The following RP1 variants were observed in gnomAD, a reference collection of about 807,000 sequenced individuals.
RP1 encodes RP1 axonemal microtubule associated.
In RP1, 16 loss-of-function variants were observed where a neutral mutation model predicts 14.8. The observed-to-expected ratio is 1.08, with a 90% confidence interval of 0.73 to 1.65. The LOEUF is 1.65. Among genes scored for constraint, RP1 ranks in the 40% most tolerant of loss-of-function variants. The pLI is 0.00. For missense variants in RP1, 2,631 were observed against 2,535.0 expected, an observed-to-expected ratio of 1.04 and a Z score of -0.81; for synonymous variants, 876 against 883.6, an observed-to-expected ratio of 0.99 and a Z score of 0.15.
chr8:54,753,537 GA>G, intron 19 of RP1, among the ~76,000 whole-genome samples: 2 of 152,328 alleles, frequency 1.3e-5, no homozygotes, highest in Middle Eastern at 6.8e-3. Context: ...GAGTCAGGAT[GA>G]AAACTGTTCT....
intron 22 of RP1, among the ~76,000 whole-genome samples, chr8:54,760,308 T>C (rs1809608492): frequency 6.6e-6 from 1 of 152,204 alleles, no homozygotes; most frequent in South Asian, 2.1e-4. Context: ...CGCAGTCGTC[T>C]TCCAATTTTC....
At chr8:54,658,333 C>T (rs772881705) in intron 6 of RP1, among the ~76,000 whole-genome samples, 1 of 149,588 alleles carries the variant, frequency 6.7e-6, no homozygotes, top group African/African-American at 2.5e-5. Flanking sequence ...GGGCGGATCA[C>T]GAGGTCAGGA....
chr8:54,742,885 C>T (rs1332375552), intron 19 of RP1, among the ~76,000 whole-genome samples: 1 of 152,100 alleles, frequency 6.6e-6, no homozygotes, highest in Non-Finnish European at 1.5e-5. Flanking sequence ...AGTGATTCTT[C>T]AACTGGAGGA....
chr8:54,664,361 G>T (rs1473613317), intron 7 of RP1, among the ~76,000 whole-genome samples: 1 of 152,108 alleles, frequency 6.6e-6, no homozygotes. Flanking sequence ...GTACATAGGG[G>T]TGCAGATATC....
chr8:54,603,977 T>C (rs1359311419), intron 1 of RP1, among the ~76,000 whole-genome samples: 1 of 152,234 alleles, frequency 6.6e-6, no homozygotes, highest in Non-Finnish European at 1.5e-5. Flanking sequence ...GATCATGTCA[T>C]CTGCAAACAG....
intron 6 of RP1, among the ~76,000 whole-genome samples, chr8:54,661,273 G>GAT (rs371052159): frequency 0.059 from 1,166 of 19,714 alleles, 18 homozygotes; most frequent in African/African-American, 0.2. Flanking sequence ...ATATATAAAT[G>GAT]ATATATATGA....
intron 23 of RP1, among the ~76,000 whole-genome samples, chr8:54,777,115 CTT>C (rs887146280): frequency 2.0e-5 from 3 of 152,210 alleles, no homozygotes; most frequent in African/African-American, 7.2e-5. Flanking sequence ...AGTAGAAACT[CTT>C]AGGATTATTG....
At chr8:54,604,608 G>C (rs1805380831) in intron 1 of RP1, among the ~76,000 whole-genome samples, 1 of 152,162 alleles carries the variant, frequency 6.6e-6, no homozygotes, top group African/African-American at 2.4e-5. Flanking sequence ...GTTTCAGAAG[G>C]AATGATACCA....
At chr8:54,791,239 T>C (rs555845138) in intron 24 of RP1, among the ~76,000 whole-genome samples, 1 of 152,228 alleles carries the variant, frequency 6.6e-6, no homozygotes, top group South Asian at 2.1e-4. Flanking sequence ...AAGAATACTG[T>C]ACCCACCAAA....
chr8:54,634,116 T>C (rs1662233614), downstream of RP1, among the ~76,000 whole-genome samples: 1 of 152,226 alleles, frequency 6.6e-6, no homozygotes, highest in African/African-American at 2.4e-5. Context: ...CCCAGGGTTC[T>C]TTTAATCCAA....
At chr8:54,583,165 A>G (rs1804837322) in intron 1 of RP1, among the ~76,000 whole-genome samples, 1 of 152,190 alleles carries the variant, frequency 6.6e-6, no homozygotes. Flanking sequence ...TTATTTTGAG[A>G]TACGTCCTAT....
At chr8:54,776,452 GGATTACA>G (rs1810041124) in intron 23 of RP1, among the ~76,000 whole-genome samples, 1 of 152,162 alleles carries the variant, frequency 6.6e-6, no homozygotes, top group South Asian at 2.1e-4. Context: ...CAAAGCACTG[GGATTACA>G]GATGTGAGCT....
chr8:54,780,096 T>C (rs1195330914), intron 23 of RP1, among the ~76,000 whole-genome samples: 6 of 152,234 alleles, frequency 3.9e-5, no homozygotes, highest in African/African-American at 1.2e-4. Context: ...TGCCAGCTGA[T>C]AAGCCTGGGT....
intron 1 of RP1, among the ~76,000 whole-genome samples, chr8:54,595,917 A>G (rs1805135043): frequency 6.6e-6 from 1 of 152,164 alleles, no homozygotes; most frequent in Non-Finnish European, 1.5e-5. Context: ...CATTCTTTGG[A>G]GGAATTAGCT....
chr8:54,800,339 T>G (rs1218096192), intron 24 of RP1, among the ~76,000 whole-genome samples: 1 of 151,732 alleles, frequency 6.6e-6, no homozygotes, highest in Non-Finnish European at 1.5e-5. Flanking sequence ...TGTGTATGGG[T>G]GTGTGTGTGT....
chr8:54,817,907 C>T (rs1303101353), intron 24 of RP1, among the ~76,000 whole-genome samples: 1 of 152,206 alleles, frequency 6.6e-6, no homozygotes, highest in Non-Finnish European at 1.5e-5. Context: ...AATATGCAGC[C>T]TATTTCATTT....
intron 6 of RP1, among the ~76,000 whole-genome samples, chr8:54,656,729 A>G (rs1448678744): frequency 6.6e-6 from 1 of 151,106 alleles, no homozygotes; most frequent in Non-Finnish European, 1.5e-5. Context: ...ACTGCTCCCC[A>G]GCACAAGAAT....
intron 26 of RP1, among the ~76,000 whole-genome samples, chr8:54,854,181 G>A (rs1421417551): frequency 6.6e-6 from 1 of 152,134 alleles, no homozygotes; most frequent in Admixed American, 6.5e-5. Flanking sequence ...ATGTGGAAAT[G>A]CAGTCAAATA....
At chr8:54,664,453 T>G (rs1426282573) in intron 7 of RP1, among the ~76,000 whole-genome samples, 3 of 152,144 alleles carry the variant, frequency 2.0e-5, no homozygotes, top group Non-Finnish European at 4.4e-5. Context: ...TTGTTTTTAA[T>G]TTTTTGAAAC....
Sources: gnomAD v4.1 joint callset for allele counts (sites outside exome capture counted in the v4.1 genomes callset) on GRCh38, gnomAD v4.1.1 for gene constraint, MANE v1.5 for transcripts, NCBI Gene and HGNC (gene_info 2026-07-23, HGNC 2026-07-21) for gene names.